Variants in GALNT5 observed in about 807,000 individuals in gnomAD.
The protein encoded by GALNT5 is UDP-GalNAc:polypeptide N-acetylgalactosaminyltransferase 5.
A neutral mutation model predicts 85.4 loss-of-function variants in GALNT5; 72 were observed. The observed-to-expected ratio is 0.84, with a 90% CI of 0.70 to 1.03. The LOEUF (loss-of-function observed/expected upper bound fraction) is 1.03, where lower values mean the gene tolerates loss of function less well. Ranked by LOEUF, GALNT5 falls within the 50% of genes least tolerant of loss-of-function variation. GALNT5 has a pLI of 0.00. For synonymous variants in GALNT5, 404 were observed against 397.0 expected (o/e 1.02, Z -0.21); for missense variants, 1,137 against 1,135.5 (o/e 1.00, Z -0.02).
chr2:157,282,643 T>C (rs1005429632), intron 1 of GALNT5, among the ~76,000 whole-genome samples: 7 of 152,168 alleles, frequency 4.6e-5, no homozygotes, highest in South Asian at 2.1e-4. Flanking sequence ...AGTTGGCAAA[T>C]TGAGGTTCAA....
Position 157,266,259 on chromosome 2 carries a change from G to A in GALNT5, c.1454+6723G>A, listed in dbSNP as rs528329659. Reference sequence around the variant, plus strand: ...ACCTCTCTTTATTAACAGATGAGGGGGGAAAAAAGAGCAAATGGTAAAGTA... The same window carrying A: ...ACCTCTCTTTATTAACAGATGAGGGAGGAAAAAAGAGCAAATGGTAAAGTA... On this transcript the variant is annotated intron_variant, in intron 1 of 9. Transcript: ENST00000259056. Among the ~76,000 whole-genome samples, 3 of 152,280 alleles carry A rather than the reference G, an allele frequency of 2.0e-5. No homozygotes were observed. In the South Asian group the frequency reaches 6.2e-4, roughly 32 times the overall value.
intron 8 of GALNT5, 25 bp downstream of exon 8, chr2:157,305,854 A>C: frequency 7.8e-6 from 10 of 1,276,114 alleles, no homozygotes; most frequent in Non-Finnish European, 1.1e-5. Context: ...TTTCTATCTC[A>C]TGGTAGCTGA....
chr2:157,317,947 G>A lies in GALNT5; in HGVS notation c.*6599G>A, dbSNP rs534518622. ...TTGAAGTTAAGTAGAATATTGTAGG[G>A]GTTATCAGAAACCCATATTCATTGT... On this transcript the variant is annotated 3_prime_UTR_variant, in exon 10 of 10. Coordinates refer to ENST00000259056, the MANE Select transcript of GALNT5 (RefSeq NM_014568.3). 6.6e-6 allele frequency among the ~76,000 whole-genome samples: 1 copy of A among 151,942 alleles called. No individual in the cohort carries two copies. Among genetic ancestry groups the A allele is most frequent in the African/African-American group, 2.4e-5 (1 of 41,374 alleles).
intron 9 of GALNT5, among the ~76,000 whole-genome samples, chr2:157,310,341 G>A (rs1002612478): frequency 6.6e-6 from 1 of 151,918 alleles, no homozygotes; most frequent in African/African-American, 2.4e-5. Context: ...ATTGCTACTA[G>A]GTCTCCCATT....
intron 3 of GALNT5, among the ~76,000 whole-genome samples, chr2:157,289,221 G>A (rs1022415637): frequency 2.6e-5 from 4 of 152,142 alleles, no homozygotes; most frequent in African/African-American, 9.7e-5. Flanking sequence ...CTTAGAAGGG[G>A]TGTTATGAGC....
At chr2:157,286,177 A>T in intron 3 of GALNT5, 43 bp downstream of exon 3, 1 of 1,539,980 alleles carries the variant, frequency 6.5e-7, no homozygotes, top group Non-Finnish European at 8.9e-7. Context: ...TTTTTATTTT[A>T]ATTTAAAATG....
chr2:157,296,719 G>A (rs1683221240), intron 5 of GALNT5, among the ~76,000 whole-genome samples: 1 of 152,062 alleles, frequency 6.6e-6, no homozygotes, highest in East Asian at 1.9e-4. Context: ...ACCCTACTCA[G>A]GCCTGAACAC....
intron 3 of GALNT5, among the ~76,000 whole-genome samples, chr2:157,287,452 G>A (rs887986207): frequency 2.6e-5 from 4 of 151,286 alleles, no homozygotes; most frequent in South Asian, 2.1e-4. Flanking sequence ...TCCCCTCATC[G>A]ATATGGATTT....
rs574103031 is a variant in GALNT5 at position 157,266,599 on chromosome 2, G to A, written c.1454+7063G>A. Among the ~76,000 whole-genome samples, 3 of 152,202 alleles carry A rather than the reference G, an allele frequency of 2.0e-5. No homozygotes were observed. In the South Asian group the frequency reaches 6.2e-4, roughly 32 times the overall value. ...TGTGTGTGTGTTTGTGTGTGTGTTT[G>A]TATCTAAGCAATCCTCACAGCAACC... is the stretch of plus-strand genomic sequence containing the variant. On this transcript the variant is annotated intron_variant, in intron 1 of 9. Coordinates refer to ENST00000259056, the MANE Select transcript of GALNT5 (RefSeq NM_014568.3).
At position 157,315,426 on chromosome 2, in the gene GALNT5, AT is replaced by A. The variant is rs1418407629; in HGVS notation, c.*4082del. Among the ~76,000 whole-genome samples, 1 of 152,138 alleles carries A rather than the reference AT, an allele frequency of 6.6e-6. No individual in the cohort carries two copies. The highest frequency in any genetic ancestry group is 2.4e-5 in the African/African-American group (1 of 41,424). On this transcript the variant is annotated 3_prime_UTR_variant, in exon 10 of 10. Transcript: ENST00000259056. ...ACTATACCATGCTGCTATATAATTA[AT>A]TTTCTTCTTTACAAAGGGCTGTCAT...
intron 1 of GALNT5, among the ~76,000 whole-genome samples, chr2:157,280,401 G>A (rs1682830305): frequency 6.6e-6 from 1 of 152,164 alleles, no homozygotes; most frequent in Non-Finnish European, 1.5e-5. Context: ...AGAGATTTGA[G>A]TGATTCAACA....
Position 157,293,058 on chromosome 2 carries a change from C to G in GALNT5, c.1742-2605C>G, listed in dbSNP as rs149128197. Among the ~76,000 whole-genome samples the G allele has an allele frequency of 4.7e-3, 719 of 152,270 alleles. 5 individuals are homozygous for G. Among genetic ancestry groups the G allele is most frequent in the Admixed American group, 7.4e-3 (113 of 15,294 alleles). On this transcript the variant is annotated intron_variant, in intron 3 of 9. Transcript: ENST00000259056. ...TAGCCAAGTGGACTTTAGCAGGCCA[C>G]GCTTCATACACCTACATGACTCTGT... is the stretch of plus-strand genomic sequence containing the variant.
chr2:157,300,932 G>C lies in GALNT5; in HGVS notation c.2372G>C (p.Ser791Thr). The C allele has an allele frequency of 6.2e-7, 1 of 1,614,126 alleles. No homozygotes were observed. The highest frequency in any genetic ancestry group is 8.5e-7 in the Non-Finnish European group (1 of 1,179,988). ...RELRKKLKCK[S>T]FKWYLENVFP... ...CTGCGAAAGAAACTGAAGTGCAAAA[G>C]TTTCAAATGGTACTTGGAGAATGTC... The change falls in exon 7 of 10, where the codon AGT (serine) becomes ACT (threonine). Residue 791 changes from serine (S) to threonine (T), a missense_variant. Transcript: ENST00000259056.
chr2:157,307,526 C>G (rs755710396), intron 8 of GALNT5, among the ~76,000 whole-genome samples: 1 of 152,136 alleles, frequency 6.6e-6, no homozygotes, highest in African/African-American at 2.4e-5. Flanking sequence ...TTAATGTTCA[C>G]GTGAATCACC....
intron 1 of GALNT5, among the ~76,000 whole-genome samples, chr2:157,271,957 G>A (rs1682594440): frequency 6.6e-6 from 1 of 152,092 alleles, no homozygotes; most frequent in African/African-American, 2.4e-5. Context: ...TTCTTAAGAG[G>A]AAAGGAAAGC....
chr2:157,297,823 AG>A (rs1446532323), intron 5 of GALNT5, among the ~76,000 whole-genome samples: 7 of 152,188 alleles, frequency 4.6e-5, no homozygotes, highest in African/African-American at 1.7e-4. Flanking sequence ...AAGTGATTCC[AG>A]TCTTGGCTAA....
chr2:157,269,895 C>T (rs1456753251), intron 1 of GALNT5, among the ~76,000 whole-genome samples: 1 of 152,162 alleles, frequency 6.6e-6, no homozygotes, highest in Non-Finnish European at 1.5e-5. Flanking sequence ...CAGGACTTCA[C>T]AGCCGGGCTT....
At chr2:157,297,484 T>C (rs149182272) in intron 5 of GALNT5, among the ~76,000 whole-genome samples, 1 of 152,288 alleles carries the variant, frequency 6.6e-6, no homozygotes, top group African/African-American at 2.4e-5. Flanking sequence ...AAAGAAGAAT[T>C]TGAGACTCAA....
intron 3 of GALNT5, among the ~76,000 whole-genome samples, chr2:157,291,640 C>G (rs1013403618): frequency 7.0e-6 from 1 of 143,670 alleles, no homozygotes; most frequent in Non-Finnish European, 1.5e-5. Context: ...CCCACCCCCC[C>G]CCAGATTTTT....
Sources: gnomAD v4.1 joint callset for allele counts (sites outside exome capture counted in the v4.1 genomes callset) on GRCh38, gnomAD v4.1.1 for gene constraint, MANE v1.5 for transcripts, NCBI Gene and HGNC (gene_info 2026-07-23, HGNC 2026-07-21) for gene names.